HTR2A: variants seen among roughly 807,000 people sequenced by gnomAD.
HTR2A encodes the protein 5-HT2 receptor.
HTR2A carries 14 observed loss-of-function variants against 31.0 expected under a neutral mutation model. The ratio of observed to expected loss-of-function variants is 0.45; its 90% CI spans 0.30 to 0.71. The LOEUF (loss-of-function observed/expected upper bound fraction) is 0.71, where lower values mean the gene tolerates loss of function less well. Ranked by LOEUF, HTR2A falls within the 30% of genes least tolerant of loss-of-function variation. HTR2A has a pLI of 0.09. For synonymous variants in HTR2A, 209 were observed against 225.2 expected, an observed-to-expected ratio of 0.93 and a Z score of 0.64; for missense variants, 442 against 573.3, an observed-to-expected ratio of 0.77 and a Z score of 2.34.
At chr13:46,841,839 T>C (rs1019566045) in intron 3 of HTR2A, among the ~76,000 whole-genome samples, 1 of 152,236 alleles carries the variant, frequency 6.6e-6, no homozygotes, top group South Asian at 2.1e-4. Context: ...CCCATCCACA[T>C]CTCTCTTGTC....
At chr13:46,863,300 T>G (rs1028251208) in intron 3 of HTR2A, among the ~76,000 whole-genome samples, 1 of 152,128 alleles carries the variant, frequency 6.6e-6, no homozygotes, top group Non-Finnish European at 1.5e-5. Flanking sequence ...GAACAAAAGT[T>G]ATCTTTTCTT....
intron 3 of HTR2A, among the ~76,000 whole-genome samples, chr13:46,863,748 G>A (rs1950800114): frequency 6.6e-6 from 1 of 151,512 alleles, no homozygotes; most frequent in East Asian, 1.9e-4. Context: ...AGTCAGAATG[G>A]TGATTATTAG....
At chr13:46,862,606 G>A in intron 3 of HTR2A, among the ~76,000 whole-genome samples, 1 of 152,162 alleles carries the variant, frequency 6.6e-6, no homozygotes, top group East Asian at 1.9e-4. Context: ...AACCAAAACT[G>A]GCTGGCCACT....
intron 3 of HTR2A, among the ~76,000 whole-genome samples, chr13:46,882,596 T>A (rs995545572): frequency 6.6e-6 from 1 of 152,096 alleles, no homozygotes; most frequent in Non-Finnish European, 1.5e-5. Flanking sequence ...CATTAATAAA[T>A]GAGACTCCAT....
At position 46,838,301 on chromosome 13, in the gene HTR2A, T is replaced by C. The variant is rs186507773; in HGVS notation, c.614-2662A>G. On this transcript the variant is annotated intron_variant, in intron 3 of 3. Transcript: ENST00000542664. ...CTGTGGCTCTGGGCTCCTGAATTGG[T>C]TACTTCATTCCTATAGTCCCCACTT... is the stretch of plus-strand genomic sequence containing the variant. Among the ~76,000 whole-genome samples the C allele has an allele frequency of 1.1e-3, 165 of 152,254 alleles. 1 individual carries two copies. Among genetic ancestry groups the C allele is most frequent in the African/African-American group, 3.9e-3 (162 of 41,558 alleles).
At chr13:46,856,126 T>G (rs959054255) in intron 3 of HTR2A, 2 of 152,228 alleles carry the variant, frequency 1.3e-5, no homozygotes, top group African/African-American at 4.8e-5. Flanking sequence ...GTGGAGAAGA[T>G]TCAAGTACAT....
intron 3 of HTR2A, among the ~76,000 whole-genome samples, chr13:46,850,912 A>T (rs541364296): frequency 7.9e-5 from 12 of 152,246 alleles, no homozygotes; most frequent in African/African-American, 2.6e-4. Flanking sequence ...TTTTCTTTCC[A>T]TGGTTCCCAG....
At position 46,895,443 on chromosome 13, in the gene HTR2A, A is replaced by G; in HGVS notation, c.412+52T>C. Reference sequence around the variant, plus strand: ...CCCATCTCATCTGCTGGTGGCATGCACATGCTCTTTATTACCAGTGCGAAT... The same window carrying G: ...CCCATCTCATCTGCTGGTGGCATGCGCATGCTCTTTATTACCAGTGCGAAT... On this transcript the variant is annotated intron_variant, in intron 2 of 3. Coordinates refer to ENST00000542664, the MANE Select transcript of HTR2A (RefSeq NM_000621.5). The surrounding 1 kb of genome is among the most constrained non-coding windows in gnomAD (Gnocchi z 4.4). 1 of 1,555,544 alleles carries G rather than the reference A, an allele frequency of 6.4e-7. No homozygotes were observed. The highest frequency in any genetic ancestry group is 1.4e-5 in the African/African-American group (1 of 73,988).
Position 46,832,171 on chromosome 13 carries a change from A to C in HTR2A, c.*2666T>G, listed in dbSNP as rs1489625704. 6.6e-6 allele frequency: 1 copy of C among 152,266 alleles called. No homozygotes were observed. Among genetic ancestry groups the C allele is most frequent in the Non-Finnish European group, 1.5e-5 (1 of 68,042 alleles). 9.4% of individuals were successfully genotyped at this position (152,266 alleles called of 1,614,324 possible). A position where few individuals can be genotyped will look rare whatever the true frequency, so the allele number is the denominator to read the frequency against. ...TTAGATTAATTTCCAGTTTATTTAAAGAGCTGATATTTTTGTTACACTTTA... is the reference window on the plus strand; with the variant it reads ...TTAGATTAATTTCCAGTTTATTTAACGAGCTGATATTTTTGTTACACTTTA... On this transcript the variant is annotated 3_prime_UTR_variant, in exon 4 of 4. Coordinates refer to ENST00000542664, the MANE Select transcript of HTR2A (RefSeq NM_000621.5).
chr13:46,863,387 C>T (rs554185210), intron 3 of HTR2A, among the ~76,000 whole-genome samples: 2 of 152,120 alleles, frequency 1.3e-5, no homozygotes, highest in East Asian at 3.9e-4. Context: ...CTTTGGAAGG[C>T]TGAGGTGGAA....
chr13:46,871,276 T>C (rs923708348), intron 3 of HTR2A, among the ~76,000 whole-genome samples: 1 of 152,228 alleles, frequency 6.6e-6, no homozygotes, highest in East Asian at 1.9e-4. Flanking sequence ...TCCAAATCCA[T>C]AAATTCAGTG....
intron 3 of HTR2A, among the ~76,000 whole-genome samples, chr13:46,873,027 C>A (rs1021064865): frequency 6.6e-6 from 1 of 152,180 alleles, no homozygotes; most frequent in Admixed American, 6.5e-5. Context: ...CGTGAGCCAC[C>A]GCACCCGGCC....
At chr13:46,886,273 C>T (rs1951005567) in intron 3 of HTR2A, among the ~76,000 whole-genome samples, 1 of 152,000 alleles carries the variant, frequency 6.6e-6, no homozygotes, top group Non-Finnish European at 1.5e-5. Flanking sequence ...ATCATAAGAG[C>T]AATGGAAGAG....
At chr13:46,840,741 G>A (rs1950591183) in intron 3 of HTR2A, among the ~76,000 whole-genome samples, 1 of 152,110 alleles carries the variant, frequency 6.6e-6, no homozygotes, top group Non-Finnish European at 1.5e-5. Flanking sequence ...TTTTAACATT[G>A]GCTTCAGGAA....
At position 46,840,999 on chromosome 13, in the gene HTR2A, A is replaced by T. The variant is rs552934398; in HGVS notation, c.614-5360T>A. Among the ~76,000 whole-genome samples the T allele has an allele frequency of 5.3e-5, 8 of 152,212 alleles. No individual in the cohort carries two copies. In the East Asian group the frequency reaches 1.4e-3, roughly 26 times the overall value. On this transcript the variant is annotated intron_variant, in intron 3 of 3. Coordinates refer to ENST00000542664, the MANE Select transcript of HTR2A (RefSeq NM_000621.5). ...ATTGGATCATGGGGAGGTTTCTCCC[A>T]TGCTGTTCTCGTGATAGTGAGAGTT...
chr13:46,879,864 G>A (rs1280554949), intron 3 of HTR2A, among the ~76,000 whole-genome samples: 1 of 152,146 alleles, frequency 6.6e-6, no homozygotes, highest in Non-Finnish European at 1.5e-5. Flanking sequence ...AATTAGCCAG[G>A]TGTGGTGACA....
chr13:46,843,547 G>A (rs1950616659), intron 3 of HTR2A, among the ~76,000 whole-genome samples: 1 of 152,106 alleles, frequency 6.6e-6, no homozygotes, highest in Admixed American at 6.5e-5. Context: ...CCTTGGAAAG[G>A]AAGGTTGCCC....
At chr13:46,839,592 A>G (rs922227487) in intron 3 of HTR2A, among the ~76,000 whole-genome samples, 1 of 152,188 alleles carries the variant, frequency 6.6e-6, no homozygotes, top group African/African-American at 2.4e-5. Flanking sequence ...TTTATGAACA[A>G]AACAGACAGT....
chr13:46,872,783 G>C (rs953340016), intron 3 of HTR2A, among the ~76,000 whole-genome samples: 1 of 152,196 alleles, frequency 6.6e-6, no homozygotes, highest in Non-Finnish European at 1.5e-5. Flanking sequence ...ATCCTAAACT[G>C]ATAGTGTAGG....
Sources: gnomAD v4.1 joint callset for allele counts (sites outside exome capture counted in the v4.1 genomes callset) on GRCh38, gnomAD v4.1.1 for gene constraint, Gnocchi (gnomAD v3.1) non-coding constraint, MANE v1.5 for transcripts, NCBI Gene and HGNC (gene_info 2026-07-23, HGNC 2026-07-21) for gene names.